Variants in MARK1 observed in about 807,000 individuals in gnomAD.
MARK1 encodes the protein microtubule affinity regulating kinase 1, also known as serine/threonine-protein kinase MARK1.
Under a neutral mutation model 96.3 loss-of-function variants are expected in MARK1, and 40 were observed. That is an observed-to-expected ratio of 0.42 (90% CI 0.32 to 0.54). MARK1 has a LOEUF of 0.54. Among genes scored for constraint, MARK1 ranks in the 20% least tolerant of loss-of-function variants. MARK1 has a pLI of 0.16. For missense variants in MARK1, 719 were observed against 984.6 expected (o/e 0.73, Z 3.61); for synonymous variants, 317 against 341.2 (o/e 0.93, Z 0.78).
intron 14 of MARK1, 150 bp from the exon 15 acceptor site, chr1:220,651,836 T>G: frequency 2.0e-6 from 1 of 499,592 alleles, no homozygotes; most frequent in Non-Finnish European, 3.5e-6. Context: ...TAGTCATTAA[T>G]AATGCCACTA....
At chr1:220,562,984 T>C (rs900433417) in intron 1 of MARK1, among the ~76,000 whole-genome samples, 1 of 152,170 alleles carries the variant, frequency 6.6e-6, no homozygotes, top group Admixed American at 6.5e-5. Context: ...CATATTGATA[T>C]CAGTCCTCTT....
At chr1:220,630,879 CAA>C (rs1479024986) in intron 9 of MARK1, among the ~76,000 whole-genome samples, 154 bp from the exon 10 acceptor site, 2 of 152,126 alleles carry the variant, frequency 1.3e-5, no homozygotes, top group East Asian at 3.8e-4. Flanking sequence ...GTGTGTGTCC[CAA>C]AGTCTTACAC....
At chr1:220,612,980 G>A (rs993613208) in intron 6 of MARK1, among the ~76,000 whole-genome samples, 10 of 152,024 alleles carry the variant, frequency 6.6e-5, no homozygotes, top group Non-Finnish European at 8.8e-5. Context: ...CCACTTATAA[G>A]TATTAACAAT....
At chr1:220,630,903 C>G (rs753274239) in intron 9 of MARK1, 132 bp from the exon 10 acceptor site, 9 of 626,182 alleles carry the variant, frequency 1.4e-5, no homozygotes, top group Admixed American at 5.7e-5. Context: ...TCTTTTTGGC[C>G]CACTAATCAA....
intron 3 of MARK1, among the ~76,000 whole-genome samples, chr1:220,582,173 T>A (rs565373955): frequency 1.3e-5 from 2 of 152,326 alleles, no homozygotes; most frequent in African/African-American, 4.8e-5. Context: ...TTTGTACTTA[T>A]CGGAGATTCT....
At chr1:220,560,367 G>A (rs1662583882) in intron 1 of MARK1, among the ~76,000 whole-genome samples, 1 of 152,128 alleles carries the variant, frequency 6.6e-6, no homozygotes, top group Non-Finnish European at 1.5e-5. Context: ...CAACTTCATG[G>A]TTAGATTTGT....
intron 1 of MARK1, among the ~76,000 whole-genome samples, chr1:220,559,962 C>A (rs141019532): frequency 0.016 from 2,358 of 152,046 alleles, 33 homozygotes; most frequent in Middle Eastern, 0.044. Flanking sequence ...AAGACATACC[C>A]AAGATTGGGT....
At chr1:220,550,730 C>G (rs1260965293) in intron 1 of MARK1, among the ~76,000 whole-genome samples, 1 of 152,026 alleles carries the variant, frequency 6.6e-6, no homozygotes, top group Admixed American at 6.5e-5. Flanking sequence ...TTTTTTTATT[C>G]AAAGGAATTA....
At chr1:220,592,882 C>G (rs79656265) in intron 3 of MARK1, among the ~76,000 whole-genome samples, 2,356 of 152,168 alleles carry the variant, frequency 0.015, 33 homozygotes, top group Middle Eastern at 0.044. Flanking sequence ...TAGTAGAGGC[C>G]AGTTACAAAG....
chr1:220,653,530 G>A (rs1669007435), intron 16 of MARK1, among the ~76,000 whole-genome samples, 178 bp downstream of exon 16: 1 of 152,012 alleles, frequency 6.6e-6, no homozygotes. Flanking sequence ...TTTTCCTTAA[G>A]AGAGAGAAAG....
At chr1:220,536,878 G>A (rs974327264) in intron 1 of MARK1, among the ~76,000 whole-genome samples, 1 of 151,840 alleles carries the variant, frequency 6.6e-6, no homozygotes, top group Non-Finnish European at 1.5e-5. Flanking sequence ...ACTGTGCCCG[G>A]CCCCAGTCCT....
At chr1:220,625,232 GT>G (rs1259345021) in intron 9 of MARK1, among the ~76,000 whole-genome samples, 1 of 152,262 alleles carries the variant, frequency 6.6e-6, no homozygotes, top group African/African-American at 2.4e-5. Context: ...CAAAGGTAGA[GT>G]TTAATAACAG....
intron 16 of MARK1, among the ~76,000 whole-genome samples, chr1:220,655,314 A>G (rs1418501988): frequency 6.6e-6 from 1 of 152,170 alleles, no homozygotes; most frequent in Non-Finnish European, 1.5e-5. Context: ...TCCTGTATGA[A>G]CAACTCCTAA....
intron 9 of MARK1, among the ~76,000 whole-genome samples, chr1:220,621,631 A>G (rs1667059570): frequency 6.6e-6 from 1 of 152,034 alleles, no homozygotes; most frequent in Non-Finnish European, 1.5e-5. Flanking sequence ...GTAGATTTGT[A>G]CCAACTTTGT....
intron 1 of MARK1, among the ~76,000 whole-genome samples, chr1:220,529,204 C>T (rs941466165): frequency 6.6e-6 from 1 of 152,196 alleles, no homozygotes; most frequent in Non-Finnish European, 1.5e-5. Flanking sequence ...ATTTCTACCT[C>T]TGCATTCTGT....
chr1:220,564,815 T>G (rs147057215), intron 1 of MARK1, among the ~76,000 whole-genome samples: 133 of 152,346 alleles, frequency 8.7e-4, no homozygotes, highest in Non-Finnish European at 1.6e-3. Context: ...GACAATGTAA[T>G]GTTGAAGTGT....
intron 5 of MARK1, among the ~76,000 whole-genome samples, chr1:220,602,429 C>A (rs1254186528): frequency 1.3e-5 from 2 of 152,124 alleles, no homozygotes; most frequent in Admixed American, 1.3e-4. Context: ...CCTCAAGACA[C>A]TTACATTCTA....
intron 13 of MARK1, among the ~76,000 whole-genome samples, chr1:220,638,033 A>G (rs1324641750): frequency 6.6e-6 from 1 of 152,164 alleles, no homozygotes; most frequent in African/African-American, 2.4e-5. Context: ...ACAGATGTGC[A>G]TAACCACTTC....
chr1:220,610,493 A>G (rs1558296478), intron 6 of MARK1, among the ~76,000 whole-genome samples: 1 of 152,116 alleles, frequency 6.6e-6, no homozygotes, highest in Non-Finnish European at 1.5e-5. Flanking sequence ...GATGGGTTCA[A>G]ACATCCTCCT....
Sources: gnomAD v4.1 joint callset for allele counts (sites outside exome capture counted in the v4.1 genomes callset) on GRCh38, gnomAD v4.1.1 for gene constraint, MANE v1.5 for transcripts, NCBI Gene and HGNC (gene_info 2026-07-23, HGNC 2026-07-21) for gene names.